SLC44A5: variants seen among roughly 807,000 people sequenced by gnomAD.
SLC44A5 encodes choline transporter-like protein 5.
Under a neutral mutation model 101.8 loss-of-function variants are expected in SLC44A5, and 57 were observed. The ratio of observed to expected loss-of-function variants is 0.56; its 90% confidence interval spans 0.45 to 0.70. The LOEUF is 0.70. Among genes scored for constraint, SLC44A5 ranks in the 30% least tolerant of loss-of-function variants. The pLI, the probability that SLC44A5 is intolerant of heterozygous loss-of-function variation, is 0.00. For synonymous variants in SLC44A5, 281 were observed against 290.9 expected, an observed-to-expected ratio of 0.97 and a Z score of 0.35; for missense variants, 737 against 853.1, an observed-to-expected ratio of 0.86 and a Z score of 1.70.
At chr1:75,599,033 G>T (rs571950930) in intron 1 of SLC44A5, among the ~76,000 whole-genome samples, 1 of 152,104 alleles carries the variant, frequency 6.6e-6, no homozygotes, top group Non-Finnish European at 1.5e-5. Flanking sequence ...CTAAATTAAT[G>T]CAATTGAATA....
chr1:75,248,395 A>C (rs1236285421), intron 7 of SLC44A5, among the ~76,000 whole-genome samples: 4 of 152,152 alleles, frequency 2.6e-5, no homozygotes, highest in Non-Finnish European at 4.4e-5. Context: ...ATGAGATTTA[A>C]TACACAAATG....
intron 2 of SLC44A5, among the ~76,000 whole-genome samples, chr1:75,417,232 C>T (rs1415918515): frequency 1.3e-5 from 2 of 152,120 alleles, no homozygotes; most frequent in Non-Finnish European, 2.9e-5. Context: ...AAATGGGACT[C>T]ACGAGATCTG....
At chr1:75,647,102 T>C in the SLC44A5 span, among the ~76,000 whole-genome samples, 8 of 151,936 alleles carry the variant, frequency 5.3e-5, no homozygotes, top group African/African-American at 1.9e-4. Context: ...CGAAGAAAAA[T>C]GGTTTCTTGG....
At chr1:75,429,413 T>C (rs1165892483) in intron 2 of SLC44A5, among the ~76,000 whole-genome samples, 1 of 152,194 alleles carries the variant, frequency 6.6e-6, no homozygotes, top group African/African-American at 2.4e-5. Context: ...ACTAGCTTTG[T>C]GTTAAGACTA....
chr1:75,302,534 T>G (rs1403238966), intron 4 of SLC44A5, among the ~76,000 whole-genome samples: 1 of 152,180 alleles, frequency 6.6e-6, no homozygotes, highest in African/African-American at 2.4e-5. Context: ...GGAGGCATTC[T>G]AAGACCCCTA....
chr1:75,203,978 G>A, intron 23 of SLC44A5, 145 bp from the exon 24 acceptor site: 1 of 1,010,972 alleles, frequency 9.9e-7, no homozygotes, highest in Non-Finnish European at 1.3e-6. Flanking sequence ...AGCATAGTTT[G>A]GCATCAACAT....
At chr1:75,591,378 C>T (rs532811081) in intron 1 of SLC44A5, among the ~76,000 whole-genome samples, 7 of 152,108 alleles carry the variant, frequency 4.6e-5, no homozygotes, top group African/African-American at 1.7e-4. Context: ...CTAAACTCTC[C>T]AATCAAAAAA....
intron 2 of SLC44A5, among the ~76,000 whole-genome samples, chr1:75,512,433 T>G (rs6679853): frequency 6.6e-6 from 1 of 151,934 alleles, no homozygotes; most frequent in Non-Finnish European, 1.5e-5. Flanking sequence ...CTTTCTTGAG[T>G]TTTTTTTAGC....
chr1:75,695,412 C>G, the SLC44A5 span, among the ~76,000 whole-genome samples: 15 of 152,156 alleles, frequency 9.9e-5, no homozygotes, highest in African/African-American at 3.4e-4. Flanking sequence ...ATGTGACATC[C>G]CAACTAGAAG....
At chr1:75,700,602 G>A in the SLC44A5 span, among the ~76,000 whole-genome samples, 2 of 152,072 alleles carry the variant, frequency 1.3e-5, no homozygotes, top group Non-Finnish European at 2.9e-5. Flanking sequence ...AAGAACTAGA[G>A]AAGCAAGAGC....
At position 75,602,955 on chromosome 1, in the gene SLC44A5, T is replaced by C. The variant is rs1439707254; in HGVS notation, c.-70+8085A>G. On this transcript the variant is annotated intron_variant, in intron 1 of 23. Transcript: ENST00000370859. ...ATTTTTAATAAAATGTAAATTTATT[T>C]ATGTATATTTAATTTGGGTTTGAGA... Among the ~76,000 whole-genome samples the C allele has an allele frequency of 2.0e-5, 3 of 152,078 alleles. No individual in the cohort carries two copies. In the East Asian group the frequency reaches 5.8e-4, roughly 29 times the overall value.
At chr1:75,251,119 C>T (rs981185736) in intron 7 of SLC44A5, 91 bp downstream of exon 7, 13 of 1,003,960 alleles carry the variant, frequency 1.3e-5, no homozygotes, top group Non-Finnish European at 1.7e-5. Flanking sequence ...CCCACGCACA[C>T]ACACAGAGAA....
At chr1:75,527,134 CAAAAAAAAAGA>C (rs753258261) in intron 2 of SLC44A5, among the ~76,000 whole-genome samples, 876 of 81,874 alleles carry the variant, frequency 0.011, 8 homozygotes, top group Non-Finnish European at 0.012. Flanking sequence ...GACACTGTCG[CAAAAAAAAAGA>C]AAAAAAAAAG....
chr1:75,419,710 T>C (rs1663885169), intron 2 of SLC44A5, among the ~76,000 whole-genome samples: 1 of 152,158 alleles, frequency 6.6e-6, no homozygotes, highest in Non-Finnish European at 1.5e-5. Flanking sequence ...TAAATATAAA[T>C]ACAATTTTGT....
chr1:75,720,454 G>C, the SLC44A5 span: 1 of 152,152 alleles, frequency 6.6e-6, no homozygotes, highest in African/African-American at 2.4e-5. Context: ...TAATAAAAAG[G>C]TATTTCTTGA....
Position 75,398,047 on chromosome 1 carries a change from A to T in SLC44A5, c.14-1426T>A, listed in dbSNP as rs74792222. 4.4e-3 allele frequency among the ~76,000 whole-genome samples: 674 copies of T among 152,288 alleles called. 6 individuals are homozygous for T. The highest frequency in any genetic ancestry group is 0.016 in the African/African-American group (654 of 41,564). On this transcript the variant is annotated intron_variant, in intron 2 of 23. Coordinates refer to ENST00000370859, the MANE Select transcript of SLC44A5 (RefSeq NM_001130058.2). ...TGCTGATTTTCTTAAAATAGTATGT[A>T]CGTGCAAGGATTGGCACCTGAGAGG... is the stretch of plus-strand genomic sequence containing the variant.
At chr1:75,276,596 C>A (rs2100753591) in intron 5 of SLC44A5, among the ~76,000 whole-genome samples, 1 of 152,196 alleles carries the variant, frequency 6.6e-6, no homozygotes, top group African/African-American at 2.4e-5. Flanking sequence ...CCTAATCCCA[C>A]AAGAATGTTG....
chr1:75,604,777 G>GTA (rs1675223349), intron 1 of SLC44A5, among the ~76,000 whole-genome samples: 1 of 151,398 alleles, frequency 6.6e-6, no homozygotes, highest in Admixed American at 6.6e-5. Flanking sequence ...ATGTGTGTGT[G>GTA]TACTGTAAAT....
At chr1:75,615,436 T>C (rs61797277), upstream of SLC44A5, among the ~76,000 whole-genome samples, 22,671 of 130,194 alleles carry the variant, frequency 0.17, 2,345 homozygotes, top group Admixed American at 0.27. Flanking sequence ...CACACATACA[T>C]ACACACACAC....
Sources: gnomAD v4.1 joint callset for allele counts (sites outside exome capture counted in the v4.1 genomes callset) on GRCh38, gnomAD v4.1.1 for gene constraint, MANE v1.5 for transcripts, NCBI Gene and HGNC (gene_info 2026-07-23, HGNC 2026-07-21) for gene names.